The following ANKRD31 variants were observed in gnomAD, a reference collection of about 807,000 sequenced individuals.
ANKRD31 encodes the protein ankyrin repeat domain 31.
ANKRD31 carries 147 observed loss-of-function variants against 186.0 expected under a neutral mutation model. That is an observed-to-expected ratio of 0.79 (90% confidence interval 0.69 to 0.91). The LOEUF (loss-of-function observed/expected upper bound fraction) is 0.91, where lower values mean the gene tolerates loss of function less well. Among genes scored for constraint, ANKRD31 ranks in the 40% least tolerant of loss-of-function variants. The probability of loss-of-function intolerance (pLI) is 0.00; values close to 1 mark genes in which losing one functional copy is unlikely to be tolerated. For missense variants in ANKRD31, 1,986 were observed against 2,148.8 expected, an observed-to-expected ratio of 0.92 and a Z score of 1.50; for synonymous variants, 673 against 736.4, an observed-to-expected ratio of 0.91 and a Z score of 1.39.
intron 10 of ANKRD31, among the ~76,000 whole-genome samples, chr5:75,183,606 T>C (rs1456626498): frequency 6.6e-6 from 1 of 152,086 alleles, no homozygotes; most frequent in Non-Finnish European, 1.5e-5. Flanking sequence ...AGTGTTTCTA[T>C]ATGCTAAATA....
At chr5:75,149,286 C>T (rs1751696317) in intron 12 of ANKRD31, among the ~76,000 whole-genome samples, 1 of 151,652 alleles carries the variant, frequency 6.6e-6, no homozygotes, top group African/African-American at 2.4e-5. Flanking sequence ...AGGAAATATT[C>T]AAAGAATATT....
rs112144302 is a variant in ANKRD31 at position 75,074,773 on chromosome 5, A to G, written c.5647+5795T>C. On this transcript the variant is annotated intron_variant, in intron 25 of 25. Coordinates refer to ENST00000506364, the MANE Select transcript of ANKRD31 (RefSeq NM_001372053.1). The stretch of plus-strand genomic sequence containing the variant: ...TAAAGATACAGCAAACTGATTTCAA[A>G]TTTTTGTTCTGTTTGAATTTTTAAT... Among the ~76,000 whole-genome samples the G allele has an allele frequency of 5.9e-3, 906 of 152,300 alleles. 6 individuals carry two copies. Among genetic ancestry groups the G allele is most frequent in the Middle Eastern group, 0.02 (6 of 294 alleles).
At chr5:75,188,301 TG>T (rs1754872085) in intron 10 of ANKRD31, among the ~76,000 whole-genome samples, 191 bp downstream of exon 10, 1 of 152,164 alleles carries the variant, frequency 6.6e-6, no homozygotes, top group Non-Finnish European at 1.5e-5. Flanking sequence ...GCTCTTCTCC[TG>T]CCACCCAGTC....
intron 12 of ANKRD31, among the ~76,000 whole-genome samples, chr5:75,151,167 A>C (rs1387805802): frequency 1.3e-5 from 2 of 152,076 alleles, no homozygotes; most frequent in African/African-American, 4.8e-5. Flanking sequence ...ATAATAAAAT[A>C]GATCCACTAA....
chr5:75,140,260 AAGGAAG>A (rs750927051), intron 15 of ANKRD31, among the ~76,000 whole-genome samples: 6 of 146,146 alleles, frequency 4.1e-5, no homozygotes, highest in African/African-American at 1.5e-4. Flanking sequence ...GGAAGGAAGG[AAGGAAG>A]GAAAGAGAGA....
intron 17 of ANKRD31, among the ~76,000 whole-genome samples, chr5:75,132,570 G>C (rs1749961710): frequency 6.6e-6 from 1 of 152,110 alleles, no homozygotes; most frequent in Admixed American, 6.5e-5. Flanking sequence ...CGGGAGAATG[G>C]AACCAAGTTG....
chr5:75,091,466 T>A, intron 22 of ANKRD31, 65 bp from the exon 23 acceptor site: 1 of 1,461,256 alleles, frequency 6.8e-7, no homozygotes, highest in Non-Finnish European at 9.1e-7. Flanking sequence ...TTTTTGCTTC[T>A]GGCCATGACA....
At chr5:75,177,233 T>A (rs186232275) in intron 10 of ANKRD31, among the ~76,000 whole-genome samples, 109 of 151,884 alleles carry the variant, frequency 7.2e-4, no homozygotes, top group Non-Finnish European at 2.8e-4. Context: ...TGGGACTATG[T>A]GAAAAGACCA....
intron 5 of ANKRD31, among the ~76,000 whole-genome samples, chr5:75,204,626 C>T (rs1295808044): frequency 1.3e-5 from 2 of 152,114 alleles, no homozygotes; most frequent in Non-Finnish European, 2.9e-5. Context: ...AGGATCTAGT[C>T]TCTGCAGAAA....
chr5:75,070,011 C>T (rs1744089458), intron 25 of ANKRD31, among the ~76,000 whole-genome samples: 1 of 152,166 alleles, frequency 6.6e-6, no homozygotes, highest in Non-Finnish European at 1.5e-5. Context: ...TGAATGAAAC[C>T]TGAAGATCTG....
chr5:75,154,256 A>T lies in ANKRD31; in HGVS notation c.1797T>A (p.Cys599Ter). 11 of 1,535,308 alleles carry T rather than the reference A, an allele frequency of 7.2e-6. No individual in the cohort carries two copies. Among genetic ancestry groups the T allele is most frequent in the Non-Finnish European group, 9.6e-6 (11 of 1,145,810 alleles). ...KCALDEAKDL[C>*]MKRLLERYIP... Reference sequence around the variant, plus strand: ...TATATCTCTCAAGGAGACGCTTCATACATAAATCCTTGGCCTCATCCAAAG... The same window carrying T: ...TATATCTCTCAAGGAGACGCTTCATTCATAAATCCTTGGCCTCATCCAAAG... Residue 599 changes from cysteine to a stop codon, truncating the protein, a stop_gained, in exon 12 of 26, where the codon TGT (cysteine) becomes TGA (stop). Coordinates refer to ENST00000506364, the MANE Select transcript of ANKRD31 (RefSeq NM_001372053.1). LOFTEE classifies it high-confidence loss of function.
intron 7 of ANKRD31, 33 bp from the exon 8 acceptor site, chr5:75,193,624 A>G (rs764377913): frequency 3.4e-6 from 5 of 1,491,282 alleles, no homozygotes; most frequent in Non-Finnish European, 4.4e-6. Flanking sequence ...ACAAAAAATT[A>G]CAACACTGCA....
chr5:75,178,461 C>CA (rs1376058261), intron 10 of ANKRD31, among the ~76,000 whole-genome samples: 1 of 152,092 alleles, frequency 6.6e-6, no homozygotes, highest in African/African-American at 2.4e-5. Context: ...ACACCTATTC[C>CA]AAAATTGACC....
chr5:75,189,165 T>C (rs1424016036), intron 9 of ANKRD31, among the ~76,000 whole-genome samples: 5 of 152,168 alleles, frequency 3.3e-5, no homozygotes, highest in African/African-American at 1.2e-4. Flanking sequence ...AATAAATTAA[T>C]GAAATTAAGC....
intron 1 of ANKRD31, among the ~76,000 whole-genome samples, chr5:75,231,009 C>T (rs1034377984): frequency 3.3e-5 from 5 of 152,100 alleles, no homozygotes; most frequent in African/African-American, 1.2e-4. Flanking sequence ...TACCAGAGAA[C>T]TTGAAATTAA....
chr5:75,156,846 T>C (rs1333166039), intron 11 of ANKRD31, among the ~76,000 whole-genome samples: 1 of 152,210 alleles, frequency 6.6e-6, no homozygotes, highest in Admixed American at 6.5e-5. Flanking sequence ...ATCTTGATTT[T>C]AGCCCAGTGA....
At chr5:75,093,984 T>C (rs1477881683) in intron 22 of ANKRD31, among the ~76,000 whole-genome samples, 1 of 152,222 alleles carries the variant, frequency 6.6e-6, no homozygotes, top group Non-Finnish European at 1.5e-5. Flanking sequence ...GTAAAGGTAA[T>C]TATGTATTAT....
At chr5:75,135,771 A>C (rs990479077) in intron 17 of ANKRD31, among the ~76,000 whole-genome samples, 6 of 152,208 alleles carry the variant, frequency 3.9e-5, no homozygotes, top group African/African-American at 1.4e-4. Context: ...AAACTATACA[A>C]CAAGGCTACA....
intron 11 of ANKRD31, among the ~76,000 whole-genome samples, chr5:75,158,685 A>C (rs1357341185): frequency 6.6e-6 from 1 of 152,186 alleles, no homozygotes; most frequent in East Asian, 1.9e-4. Context: ...CCAACCACTC[A>C]GGCAGCTAAG....
Sources: gnomAD v4.1 joint callset for allele counts (sites outside exome capture counted in the v4.1 genomes callset) on GRCh38, gnomAD v4.1.1 for gene constraint, MANE v1.5 for transcripts, NCBI Gene and HGNC (gene_info 2026-07-23, HGNC 2026-07-21) for gene names.